Variants in JAKMIP2 observed in about 807,000 individuals in gnomAD.
The protein encoded by JAKMIP2 is janus kinase and microtubule-interacting protein 2.
In JAKMIP2, 25 loss-of-function variants were observed where a neutral mutation model predicts 115.0. The ratio of observed to expected loss-of-function variants is 0.22; its 90% CI spans 0.16 to 0.30. JAKMIP2 has a LOEUF of 0.30. Among genes scored for constraint, JAKMIP2 ranks in the 10% least tolerant of loss-of-function variants. The probability of loss-of-function intolerance (pLI) is 1.00; values close to 1 mark genes in which losing one functional copy is unlikely to be tolerated. For synonymous variants in JAKMIP2, 334 were observed against 343.6 expected, an observed-to-expected ratio of 0.97 and a Z score of 0.31; for missense variants, 642 against 957.6, an observed-to-expected ratio of 0.67 and a Z score of 4.35.
rs564278376 is a variant in JAKMIP2 at position 147,686,439 on chromosome 5, T to C, written c.-148-14485A>G. ...GGTACAAATCACTCAAGGAAATAAATTGGATACCCTATAATGTTCACTTTT... is the reference window on the plus strand; with the variant it reads ...GGTACAAATCACTCAAGGAAATAAACTGGATACCCTATAATGTTCACTTTT... On this transcript the variant is annotated intron_variant, in intron 1 of 21. Coordinates refer to ENST00000616793, the MANE Select transcript of JAKMIP2 (RefSeq NM_001270941.2). Among the ~76,000 whole-genome samples, 22 of 152,248 alleles carry C rather than the reference T, an allele frequency of 1.4e-4. No individual in the cohort carries two copies. In the South Asian group the frequency reaches 3.5e-3, roughly 24 times the overall value.
intron 1 of JAKMIP2, among the ~76,000 whole-genome samples, chr5:147,742,155 A>ATATTTTTT: frequency 1.0e-4 from 11 of 108,908 alleles, no homozygotes; most frequent in East Asian, 9.8e-4. Flanking sequence ...ATATATATAT[A>ATATTTTTT]TTTTTTTTAC....
In JAKMIP2 at chr5:147,655,385, A is replaced by G. The variant is rs543980670; in HGVS notation, c.628-4838T>C. On this transcript the variant is annotated intron_variant, in intron 3 of 21. Coordinates refer to ENST00000616793, the MANE Select transcript of JAKMIP2 (RefSeq NM_001270941.2). ...TACTGCCTCTATTTCAGAACTTGTC[A>G]TTGGTCTATTCAGGGATTTGACTTC... Among the ~76,000 whole-genome samples, 28 of 152,224 alleles carry G rather than the reference A, an allele frequency of 1.8e-4. No homozygotes were observed. The South Asian group carries it at 5.8e-3, about 32-fold the overall frequency.
rs1444557543 is a variant in JAKMIP2, at chr5:147,623,172, C to A, written c.2064+449G>T. On this transcript the variant is annotated intron_variant, in intron 17 of 21. Coordinates refer to ENST00000616793, the MANE Select transcript of JAKMIP2 (RefSeq NM_001270941.2). Reference sequence around the variant, plus strand: ...TCAAGCACACTTCCTGCCTTAACTTCCCAAATTGCTAGGACAGGTGTGAGC... The same window carrying A: ...TCAAGCACACTTCCTGCCTTAACTTACCAAATTGCTAGGACAGGTGTGAGC... Among the ~76,000 whole-genome samples the A allele has an allele frequency of 2.6e-5, 4 of 151,786 alleles. No individual in the cohort carries two copies. The East Asian group carries it at 7.7e-4, about 29-fold the overall frequency.
chr5:147,712,969 A>G (rs1752839040), intron 1 of JAKMIP2, among the ~76,000 whole-genome samples: 1 of 152,204 alleles, frequency 6.6e-6, no homozygotes, highest in African/African-American at 2.4e-5. Context: ...TTTAAGGAAT[A>G]TGGATAACGA....
chr5:147,705,427 AC>A (rs1464655286), intron 1 of JAKMIP2, among the ~76,000 whole-genome samples: 2 of 151,908 alleles, frequency 1.3e-5, no homozygotes, highest in Non-Finnish European at 2.9e-5. Flanking sequence ...ACATGGAGAA[AC>A]CCCTTCTCTA....
At chr5:147,725,758 C>G (rs1465119369) in intron 1 of JAKMIP2, among the ~76,000 whole-genome samples, 1 of 152,096 alleles carries the variant, frequency 6.6e-6, no homozygotes, top group African/African-American at 2.4e-5. Context: ...GTTTAAAGGC[C>G]TCTCTCAGTG....
At chr5:147,618,599 G>A (rs758457056) in intron 18 of JAKMIP2, among the ~76,000 whole-genome samples, 18 of 152,066 alleles carry the variant, frequency 1.2e-4, no homozygotes, top group African/African-American at 2.4e-4. Context: ...TTAGGTGGGC[G>A]TGGTGGTGCG....
intron 19 of JAKMIP2, among the ~76,000 whole-genome samples, chr5:147,614,905 C>G (rs538220212): frequency 5.6e-4 from 85 of 152,316 alleles, no homozygotes; most frequent in Admixed American, 1.4e-3. Flanking sequence ...GGACACTTGG[C>G]CAAGATCTTT....
At chr5:147,712,208 A>T (rs751302855) in intron 1 of JAKMIP2, among the ~76,000 whole-genome samples, 35 of 152,088 alleles carry the variant, frequency 2.3e-4, no homozygotes, top group Non-Finnish European at 4.3e-4. Flanking sequence ...ACAATCACTC[A>T]CAGAAGTCAT....
chr5:147,671,178 G>A (rs1016039478), intron 2 of JAKMIP2, among the ~76,000 whole-genome samples: 2 of 152,072 alleles, frequency 1.3e-5, no homozygotes, highest in African/African-American at 2.4e-5. Context: ...AGTGGGAGAT[G>A]AGTCAAAGAG....
chr5:147,658,538 G>T (rs141413673), intron 3 of JAKMIP2, among the ~76,000 whole-genome samples: 4 of 152,284 alleles, frequency 2.6e-5, no homozygotes, highest in Admixed American at 2.0e-4. Context: ...GAGCTGGTGC[G>T]CTGTGCTGGG....
intron 1 of JAKMIP2, among the ~76,000 whole-genome samples, chr5:147,778,279 G>A (rs1755636588): frequency 6.6e-6 from 1 of 152,016 alleles, no homozygotes; most frequent in African/African-American, 2.4e-5. Context: ...GTGTGTGTGA[G>A]CCTTTTTTTG....
intron 2 of JAKMIP2, among the ~76,000 whole-genome samples, chr5:147,670,772 T>C (rs1370897257): frequency 6.6e-6 from 1 of 152,200 alleles, no homozygotes; most frequent in East Asian, 1.9e-4. Context: ...AACTGAGGTA[T>C]AAGGAATGCA....
chr5:147,646,532 G>C (rs1016793797), intron 5 of JAKMIP2, among the ~76,000 whole-genome samples: 2 of 151,756 alleles, frequency 1.3e-5, no homozygotes, highest in African/African-American at 4.8e-5. Context: ...AATAACCATA[G>C]TCCCACAATA....
At chr5:147,693,022 A>G (rs752476662) in intron 1 of JAKMIP2, among the ~76,000 whole-genome samples, 6 of 152,242 alleles carry the variant, frequency 3.9e-5, no homozygotes, top group Non-Finnish European at 8.8e-5. Flanking sequence ...TTTGTATATG[A>G]CCTAAAATTG....
intron 2 of JAKMIP2, among the ~76,000 whole-genome samples, chr5:147,663,011 G>C (rs1374637959): frequency 1.3e-5 from 2 of 151,810 alleles, no homozygotes; most frequent in Admixed American, 1.3e-4. Flanking sequence ...AAAAAGAAGA[G>C]AAAAGGAAGA....
At chr5:147,628,708 G>C (rs747186272) in intron 16 of JAKMIP2, 43 bp downstream of exon 16, 1 of 1,493,500 alleles carries the variant, frequency 6.7e-7, no homozygotes, top group Non-Finnish European at 9.3e-7. Flanking sequence ...TCAGTATTAA[G>C]CCAGACACCG....
At chr5:147,711,312 C>A (rs1039780579) in intron 1 of JAKMIP2, among the ~76,000 whole-genome samples, 3 of 152,126 alleles carry the variant, frequency 2.0e-5, no homozygotes, top group Non-Finnish European at 4.4e-5. Context: ...ATGCCTTACT[C>A]TATTAATTTA....
At chr5:147,682,065 A>G (rs1760313775) in intron 1 of JAKMIP2, among the ~76,000 whole-genome samples, 1 of 151,990 alleles carries the variant, frequency 6.6e-6, no homozygotes, top group Non-Finnish European at 1.5e-5. Context: ...AAAGAAAAAT[A>G]AAAGTGACAT....
Sources: gnomAD v4.1 joint callset for allele counts (sites outside exome capture counted in the v4.1 genomes callset) on GRCh38, gnomAD v4.1.1 for gene constraint, MANE v1.5 for transcripts, NCBI Gene and HGNC (gene_info 2026-07-23, HGNC 2026-07-21) for gene names.